ANGPT1: variants seen among roughly 807,000 people sequenced by gnomAD.
The protein encoded by ANGPT1 is angiopoietin-1.
ANGPT1 carries 17 observed loss-of-function variants against 62.2 expected under a neutral mutation model. The ratio of observed to expected loss-of-function variants is 0.27; its 90% confidence interval spans 0.19 to 0.41. ANGPT1 has a LOEUF of 0.41. Ranked by LOEUF, ANGPT1 falls within the 10% of genes least tolerant of loss-of-function variation. The pLI, the probability that ANGPT1 is intolerant of heterozygous loss-of-function variation, is 1.00. For synonymous variants in ANGPT1, 199 were observed against 198.9 expected, an observed-to-expected ratio of 1.00 and a Z score of 0.00; for missense variants, 478 against 594.9, an observed-to-expected ratio of 0.80 and a Z score of 2.04.
intron 1 of ANGPT1, among the ~76,000 whole-genome samples, chr8:107,405,130 A>G (rs1018410930): frequency 6.6e-6 from 1 of 151,950 alleles, no homozygotes; most frequent in Admixed American, 6.6e-5. Flanking sequence ...AAAATCACCT[A>G]CAATTATACC....
At chr8:107,494,880 T>C (rs1021725095) in intron 1 of ANGPT1, 4 of 152,260 alleles carry the variant, frequency 2.6e-5, no homozygotes, top group Admixed American at 2.0e-4. Flanking sequence ...CTTTGATTAA[T>C]TATTTTGCCA....
chr8:107,428,403 C>T (rs947187492), intron 1 of ANGPT1, among the ~76,000 whole-genome samples: 1 of 152,236 alleles, frequency 6.6e-6, no homozygotes, highest in South Asian at 2.1e-4. Context: ...TTTAATGCAA[C>T]AATAGACTTT....
At chr8:107,495,270 C>T (rs1355281727) in intron 1 of ANGPT1, among the ~76,000 whole-genome samples, 2 of 152,168 alleles carry the variant, frequency 1.3e-5, no homozygotes, top group Non-Finnish European at 2.9e-5. Context: ...GGGACGTTTT[C>T]AGCATATATT....
rs376179767 is a variant in ANGPT1 at position 107,390,997 on chromosome 8, C to T, written c.298-43900G>A. On this transcript the variant is annotated intron_variant, in intron 1 of 8. Transcript: ENST00000517746. ...AACTCTGAGCCTTGTGACTCAGAGT[C>T]CCAATGTGTAATATTTGCTATCATT... Among the ~76,000 whole-genome samples the T allele has an allele frequency of 3.3e-5, 5 of 152,232 alleles. No homozygotes were observed. The East Asian group carries it at 5.8e-4, about 18-fold the overall frequency.
intron 1 of ANGPT1, among the ~76,000 whole-genome samples, chr8:107,478,642 TA>T: frequency 6.6e-6 from 1 of 152,348 alleles, no homozygotes; most frequent in Admixed American, 6.5e-5. Context: ...AGAAAATGTT[TA>T]AAACTCTTCA....
chr8:107,392,945 C>G (rs1816863398), intron 1 of ANGPT1, among the ~76,000 whole-genome samples: 1 of 152,112 alleles, frequency 6.6e-6, no homozygotes, highest in Admixed American at 6.6e-5. Context: ...TTCCATGGAT[C>G]TCTTTGTCTA....
chr8:107,295,927 G>C (rs186441866), intron 5 of ANGPT1, among the ~76,000 whole-genome samples: 10 of 152,164 alleles, frequency 6.6e-5, no homozygotes, highest in African/African-American at 2.4e-4. Context: ...TAGGATGTAG[G>C]TATGATGATC....
At chr8:107,446,090 C>T (rs969141136) in intron 1 of ANGPT1, among the ~76,000 whole-genome samples, 3 of 151,822 alleles carry the variant, frequency 2.0e-5, no homozygotes, top group African/African-American at 7.3e-5. Flanking sequence ...GTTAACTTTT[C>T]GTATTTTTAG....
intron 6 of ANGPT1, among the ~76,000 whole-genome samples, chr8:107,288,492 G>C (rs1814197192): frequency 6.6e-6 from 1 of 152,094 alleles, no homozygotes; most frequent in Non-Finnish European, 1.5e-5. Context: ...ATCAGAAACA[G>C]CTGTGGGGGT....
chr8:107,322,787 G>A, intron 3 of ANGPT1: 2 of 255,326 alleles, frequency 7.8e-6, no homozygotes, highest in South Asian at 4.1e-5. Context: ...AAATATGTTA[G>A]GTGAAAAAAG....
chr8:107,276,301 T>TA (rs1813865426), intron 7 of ANGPT1, among the ~76,000 whole-genome samples: 1 of 152,144 alleles, frequency 6.6e-6, no homozygotes, highest in Non-Finnish European at 1.5e-5. Flanking sequence ...AAACCTATGT[T>TA]AGGAATTGAG....
In ANGPT1 at chr8:107,252,135, T is replaced by G. The variant is rs1813260956; in HGVS notation, c.1337-120A>C. On this transcript the variant is annotated intron_variant, in intron 8 of 8. Coordinates refer to ENST00000517746, the MANE Select transcript of ANGPT1 (RefSeq NM_001146.5). ...CTTGCTTGTTCTTGTTATGCTTATT[T>G]GCAATTACGAGGCATCAGTAAATAT... is the stretch of plus-strand genomic sequence containing the variant. 1.8e-5 allele frequency: 19 copies of G among 1,043,482 alleles called. No individual in the cohort carries two copies. In the South Asian group the frequency reaches 2.8e-4, roughly 16 times the overall value. The allele number at this position is 1,043,482 out of a possible 1,614,324, so 64.6% of individuals were successfully genotyped here. A position where few individuals can be genotyped will look rare whatever the true frequency, so the allele number is the denominator to read the frequency against.
At chr8:107,253,539 G>T (rs1286600137) in intron 8 of ANGPT1, among the ~76,000 whole-genome samples, 3 of 152,038 alleles carry the variant, frequency 2.0e-5, no homozygotes, top group Admixed American at 2.0e-4. Flanking sequence ...CTTTTCCATT[G>T]CATTAATGAA....
chr8:107,310,977 ATGTGAGTG>A (rs1037080904), intron 4 of ANGPT1, among the ~76,000 whole-genome samples: 17 of 95,178 alleles, frequency 1.8e-4, no homozygotes, highest in Admixed American at 5.8e-4. Context: ...ATGAGTGTGT[ATGTGAGTG>A]TGTGTGTATG....
intron 6 of ANGPT1, among the ~76,000 whole-genome samples, chr8:107,288,881 A>G (rs905122572): frequency 3.9e-5 from 6 of 152,148 alleles, no homozygotes; most frequent in Non-Finnish European, 8.8e-5. Context: ...ATTATGGCAC[A>G]TAACAGTTTA....
chr8:107,365,287 C>T (rs1816248896), intron 1 of ANGPT1, among the ~76,000 whole-genome samples: 1 of 152,168 alleles, frequency 6.6e-6, no homozygotes, highest in South Asian at 2.1e-4. Flanking sequence ...GGAAACTCAG[C>T]ATACTTGACA....
At chr8:107,473,799 TAGTA>T (rs1387822484) in intron 1 of ANGPT1, among the ~76,000 whole-genome samples, 1 of 152,062 alleles carries the variant, frequency 6.6e-6, no homozygotes, top group Non-Finnish European at 1.5e-5. Context: ...CCCTTAGACT[TAGTA>T]AGTAATTTAA....
At chr8:107,313,858 G>C (rs1814944679) in intron 4 of ANGPT1, among the ~76,000 whole-genome samples, 1 of 152,104 alleles carries the variant, frequency 6.6e-6, no homozygotes, top group Admixed American at 6.6e-5. Flanking sequence ...ACATTCCCCA[G>C]ATTTTACCTT....
At chr8:107,390,828 AT>A (rs1586282897) in intron 1 of ANGPT1, among the ~76,000 whole-genome samples, 2 of 152,288 alleles carry the variant, frequency 1.3e-5, no homozygotes, top group East Asian at 3.9e-4. Context: ...CTTGCTCAAG[AT>A]CACAGATCTA....
Sources: allele counts gnomAD v4.1 joint callset (sites outside exome capture counted in the v4.1 genomes callset), GRCh38; gene constraint gnomAD v4.1.1; transcripts MANE v1.5; gene names NCBI Gene and HGNC (gene_info 2026-07-23, HGNC 2026-07-21).